SNX9: variants seen among roughly 807,000 people sequenced by gnomAD.
SNX9 encodes the protein sorting nexin-9.
SNX9 carries 44 observed loss-of-function variants against 89.4 expected under a neutral mutation model. The observed-to-expected ratio is 0.49, with a 90% CI of 0.39 to 0.63. The LOEUF (loss-of-function observed/expected upper bound fraction) is 0.63. Among genes scored for constraint, SNX9 ranks in the 30% least tolerant of loss-of-function variants. The probability of loss-of-function intolerance (pLI) is 0.00; values close to 1 mark genes in which losing one functional copy is unlikely to be tolerated. For missense variants in SNX9, 578 were observed against 736.1 expected (o/e 0.79, Z 2.49); for synonymous variants, 236 against 247.8 (o/e 0.95, Z 0.45).
In SNX9 at chr6:157,909,558, C is replaced by T. The variant is rs1783294512; in HGVS notation, c.706-107C>T. On this transcript the variant is annotated intron_variant, in intron 7 of 17. Transcript: ENST00000392185. ...CTTTCAAAGAGGAACAAGAATGACC[C>T]TCCAAAGGACTTCTCATTCTGAAAA... 3 of 1,308,496 alleles carry T rather than the reference C, an allele frequency of 2.3e-6. No individual in the cohort carries two copies. The South Asian group carries it at 4.0e-5, about 17-fold the overall frequency. The allele number at this position is 1,308,496 out of a possible 1,614,324, so 81.1% of individuals were successfully genotyped here.
At chr6:157,917,890 G>T (rs1304781003) in intron 9 of SNX9, among the ~76,000 whole-genome samples, 1 of 152,080 alleles carries the variant, frequency 6.6e-6, no homozygotes, top group African/African-American at 2.4e-5. Context: ...TGGATACAGA[G>T]AACCAACTCT....
intron 1 of SNX9, among the ~76,000 whole-genome samples, chr6:157,826,788 A>T (rs9458620): frequency 0.67 from 63,944 of 95,248 alleles, 21,453 homozygotes; most frequent in African/African-American, 0.8. Flanking sequence ...ATATTATATT[A>T]TATATATATA....
At chr6:157,860,607 T>G (rs1431841636) in intron 1 of SNX9, among the ~76,000 whole-genome samples, 2 of 152,200 alleles carry the variant, frequency 1.3e-5, no homozygotes, top group African/African-American at 4.8e-5. Flanking sequence ...ATTGTTCTTG[T>G]GTGCACCGCA....
chr6:157,938,498 C>T (rs550016586), intron 15 of SNX9, 135 bp from the exon 16 acceptor site: 46 of 575,906 alleles, frequency 8.0e-5, no homozygotes, highest in African/African-American at 7.5e-4. Flanking sequence ...TAGATGCTTT[C>T]CTCTCTTCTT....
chr6:157,923,951 CAT>C (rs1783635839), intron 10 of SNX9, among the ~76,000 whole-genome samples: 1 of 152,170 alleles, frequency 6.6e-6, no homozygotes, highest in Non-Finnish European at 1.5e-5. Flanking sequence ...GTTTTTAAAA[CAT>C]GTCCCAGGCT....
At chr6:157,867,443 T>G in intron 1 of SNX9, 104 bp from the exon 2 acceptor site, 1 of 847,194 alleles carries the variant, frequency 1.2e-6, no homozygotes, top group South Asian at 1.9e-5. Context: ...ACAGCCACTA[T>G]CATGTTTGTA....
At chr6:157,882,918 A>T (rs187494432) in intron 4 of SNX9, among the ~76,000 whole-genome samples, 1 of 152,362 alleles carries the variant, frequency 6.6e-6, no homozygotes, top group Non-Finnish European at 1.5e-5. Context: ...AGGATTTGAG[A>T]GAATTGATTC....
intron 17 of SNX9, among the ~76,000 whole-genome samples, chr6:157,941,742 G>T (rs969315098): frequency 6.6e-6 from 1 of 152,178 alleles, no homozygotes; most frequent in East Asian, 1.9e-4. Context: ...TGCTGAAAAC[G>T]CCTGTCTCCA....
At chr6:157,873,198 T>C in intron 3 of SNX9, 22 bp downstream of exon 3, 1 of 1,558,854 alleles carries the variant, frequency 6.4e-7, no homozygotes, top group Non-Finnish European at 8.7e-7. Flanking sequence ...CTGTCATTCA[T>C]TCATTAGAGC....
intron 1 of SNX9, among the ~76,000 whole-genome samples, chr6:157,864,055 G>A (rs969911199): frequency 3.3e-5 from 5 of 151,570 alleles, no homozygotes; most frequent in Non-Finnish European, 5.9e-5. Context: ...GGAGATCTAC[G>A]ACTGGGTAAC....
intron 3 of SNX9, among the ~76,000 whole-genome samples, chr6:157,873,611 A>G (rs1195425793): frequency 6.8e-6 from 1 of 147,830 alleles, no homozygotes; most frequent in African/African-American, 2.4e-5. Flanking sequence ...TATAAAATGT[A>G]TTATAAATTA....
At chr6:157,831,035 T>G (rs73573814) in intron 1 of SNX9, among the ~76,000 whole-genome samples, 10,050 of 152,264 alleles carry the variant, frequency 0.066, 1,130 homozygotes, top group African/African-American at 0.23. Context: ...TGTATTTGGT[T>G]CTATTTCAAA....
chr6:157,892,484 AAAC>A (rs1782883883), intron 4 of SNX9, among the ~76,000 whole-genome samples: 1 of 152,142 alleles, frequency 6.6e-6, no homozygotes, highest in Non-Finnish European at 1.5e-5. Context: ...GGAAAAAAAA[AAAC>A]AAAACCAAAG....
At chr6:157,825,259 G>T (rs1781321223) in intron 1 of SNX9, among the ~76,000 whole-genome samples, 1 of 151,932 alleles carries the variant, frequency 6.6e-6, no homozygotes, top group South Asian at 2.1e-4. Context: ...AAAAAGAAAA[G>T]ACGAGACTCC....
intron 4 of SNX9, among the ~76,000 whole-genome samples, chr6:157,891,027 C>CTTTTTTT (rs67186551): frequency 5.0e-4 from 58 of 114,910 alleles, no homozygotes; most frequent in African/African-American, 6.2e-4. Flanking sequence ...TTTTCTTTCT[C>CTTTTTTT]TTTTTTTTTT....
intron 1 of SNX9, among the ~76,000 whole-genome samples, chr6:157,854,269 G>A (rs544319206): frequency 5.3e-5 from 8 of 152,198 alleles, no homozygotes; most frequent in Non-Finnish European, 1.2e-4. Context: ...TTAATTTGGG[G>A]GCTGGTGGTG....
intron 2 of SNX9, among the ~76,000 whole-genome samples, chr6:157,871,520 G>A (rs1225527012): frequency 1.3e-5 from 2 of 152,030 alleles, no homozygotes; most frequent in Non-Finnish European, 2.9e-5. Context: ...GCACACCAGG[G>A]CCTGTCGTCG....
At chr6:157,925,121 CAT>C (rs1018573815) in intron 10 of SNX9, among the ~76,000 whole-genome samples, 4 of 152,058 alleles carry the variant, frequency 2.6e-5, no homozygotes, top group African/African-American at 9.7e-5. Context: ...ATACTTGCAA[CAT>C]ATATAAGCAA....
intron 4 of SNX9, among the ~76,000 whole-genome samples, chr6:157,877,547 T>C (rs1782544273): frequency 6.6e-6 from 1 of 152,184 alleles, no homozygotes; most frequent in Admixed American, 6.5e-5. Flanking sequence ...CAGATGACCA[T>C]TAATTGGTAG....
Sources: allele counts gnomAD v4.1 joint callset (sites outside exome capture counted in the v4.1 genomes callset), GRCh38; gene constraint gnomAD v4.1.1; transcripts MANE v1.5; gene names NCBI Gene and HGNC (gene_info 2026-07-23, HGNC 2026-07-21).